Variants in BICRAL observed in about 807,000 individuals in gnomAD.
BICRAL encodes BRD4-interacting chromatin-remodeling complex-associated protein-like.
BICRAL carries 8 observed loss-of-function variants against 91.8 expected under a neutral mutation model. The observed-to-expected ratio is 0.09, with a 90% CI of 0.05 to 0.16. The LOEUF is 0.16. Ranked by LOEUF, BICRAL falls within the 10% of genes least tolerant of loss-of-function variation. The probability of loss-of-function intolerance (pLI) is 1.00; values close to 1 mark genes in which losing one functional copy is unlikely to be tolerated. For synonymous variants in BICRAL, 445 were observed against 491.1 expected (o/e 0.91, Z 1.24); for missense variants, 1,038 against 1,310.9 (o/e 0.79, Z 3.21).
intron 1 of BICRAL, among the ~76,000 whole-genome samples, chr6:42,757,697 T>TA (rs773781003): frequency 2.0e-4 from 30 of 152,234 alleles, no homozygotes; most frequent in Non-Finnish European, 3.7e-4. Context: ...TGTTAACTCT[T>TA]ATGTGGCATT....
intron 1 of BICRAL, among the ~76,000 whole-genome samples, chr6:42,791,215 C>T (rs1763263803): frequency 6.6e-6 from 1 of 152,100 alleles, no homozygotes; most frequent in Non-Finnish European, 1.5e-5. Flanking sequence ...CCTCTCTGTA[C>T]CAGATCCTCT....
chr6:42,838,920 C>T (rs1291367644), intron 6 of BICRAL, among the ~76,000 whole-genome samples: 1 of 151,942 alleles, frequency 6.6e-6, no homozygotes, highest in Non-Finnish European at 1.5e-5. Context: ...GAGATTGCGC[C>T]ACTGCACTCC....
In BICRAL at chr6:42,814,519, ATTTT is replaced by A. The variant is rs70990145; in HGVS notation, c.-6+4136_-6+4139del. ...TGTGTGTATATATATATATATATATATTTTTTTTTTTTTTTTTTTTTAGATGAAG... is the reference window on the plus strand; with the variant it reads ...TGTGTGTATATATATATATATATATATTTTTTTTTTTTTTTTTAGATGAAG... On this transcript the variant is annotated intron_variant, in intron 2 of 12. Coordinates refer to ENST00000314073, the MANE Select transcript of BICRAL (RefSeq NM_001393499.1). Among the ~76,000 whole-genome samples the A allele has an allele frequency of 5.2e-3, 415 of 80,182 alleles. 2 individuals carry two copies. The highest frequency in any genetic ancestry group is 0.025 in the East Asian group (71 of 2,814). The allele number at this position is 80,182 out of a possible 152,430, so 52.6% of individuals were successfully genotyped here.
At chr6:42,771,912 A>G (rs1392760069) in intron 1 of BICRAL, among the ~76,000 whole-genome samples, 2 of 152,182 alleles carry the variant, frequency 1.3e-5, no homozygotes, top group Admixed American at 6.5e-5. Flanking sequence ...GCATTTCTGC[A>G]TTTGTCAGCA....
intron 10 of BICRAL, among the ~76,000 whole-genome samples, chr6:42,858,600 C>T (rs1022273716): frequency 2.0e-5 from 3 of 151,174 alleles, no homozygotes; most frequent in Non-Finnish European, 2.9e-5. Context: ...GGTGGGTCAC[C>T]TGAGGTCAGG....
intron 6 of BICRAL, among the ~76,000 whole-genome samples, chr6:42,843,964 ATTT>A (rs564638855): frequency 2.3e-5 from 3 of 132,210 alleles, no homozygotes; most frequent in Non-Finnish European, 3.3e-5. Context: ...ATGCCGGCTA[ATTT>A]TTTTTTTTTT....
At chr6:42,801,486 C>T in intron 1 of BICRAL, among the ~76,000 whole-genome samples, 1 of 152,048 alleles carries the variant, frequency 6.6e-6, no homozygotes, top group Non-Finnish European at 1.5e-5. Flanking sequence ...AGTGTCCCAT[C>T]TTTTTTACTA....
intron 1 of BICRAL, among the ~76,000 whole-genome samples, chr6:42,758,664 A>G (rs1247386147): frequency 6.6e-6 from 1 of 151,206 alleles, no homozygotes; most frequent in Non-Finnish European, 1.5e-5. Context: ...AATCAGGACT[A>G]TCTTTTGGGA....
chr6:42,766,523 G>A (rs1762635321), intron 1 of BICRAL, among the ~76,000 whole-genome samples: 1 of 152,146 alleles, frequency 6.6e-6, no homozygotes, highest in South Asian at 2.1e-4. Context: ...CCTGTAATGT[G>A]CTTGTGAGTC....
At chr6:42,835,695 C>T (rs1764618162) in intron 6 of BICRAL, among the ~76,000 whole-genome samples, 1 of 152,110 alleles carries the variant, frequency 6.6e-6, no homozygotes, top group Non-Finnish European at 1.5e-5. Flanking sequence ...TACTTCCCAG[C>T]AAGCGAAGGG....
chr6:42,828,335 A>G (rs1426680374), intron 5 of BICRAL, among the ~76,000 whole-genome samples, 158 bp from the exon 6 acceptor site: 4 of 150,892 alleles, frequency 2.7e-5, no homozygotes, highest in Non-Finnish European at 5.9e-5. Context: ...CGGGAGGCGG[A>G]GCTTGCAGTG....
intron 1 of BICRAL, among the ~76,000 whole-genome samples, chr6:42,799,136 A>T (rs1302925815): frequency 6.6e-6 from 1 of 152,098 alleles, no homozygotes; most frequent in Non-Finnish European, 1.5e-5. Context: ...TGAACTCCTG[A>T]GCTCAAATGA....
chr6:42,825,747 A>G (rs1409057565), intron 5 of BICRAL, among the ~76,000 whole-genome samples: 2 of 151,102 alleles, frequency 1.3e-5, no homozygotes, highest in Admixed American at 6.6e-5. Flanking sequence ...CAAGACATGT[A>G]TTAACCTCAT....
At chr6:42,754,954 T>G (rs564699834) in intron 1 of BICRAL, among the ~76,000 whole-genome samples, 2 of 152,332 alleles carry the variant, frequency 1.3e-5, no homozygotes, top group South Asian at 4.1e-4. Flanking sequence ...AATTTTAAAA[T>G]GCCGCATCAG....
At position 42,810,112 on chromosome 6, in the gene BICRAL, T is replaced by C. The variant is rs187305608; in HGVS notation, c.-101-194T>C. ...AAATTTTTAAATTTCTAAGTCTTTC[T>C]TGTAATAATTTGCCTTACTCTTTTC... On this transcript the variant is annotated intron_variant, in intron 1 of 12. Coordinates refer to ENST00000314073, the MANE Select transcript of BICRAL (RefSeq NM_001393499.1). Among the ~76,000 whole-genome samples, 41 of 152,270 alleles carry C rather than the reference T, an allele frequency of 2.7e-4. No individual in the cohort carries two copies. The East Asian group carries it at 6.9e-3, about 26-fold the overall frequency.
intron 5 of BICRAL, among the ~76,000 whole-genome samples, chr6:42,826,831 G>T (rs979827659): frequency 2.0e-5 from 3 of 151,822 alleles, no homozygotes; most frequent in African/African-American, 4.8e-5. Flanking sequence ...TTGTTGCCCA[G>T]GCTGGAGTGC....
chr6:42,837,674 C>G (rs547410672), intron 6 of BICRAL, among the ~76,000 whole-genome samples: 8 of 151,828 alleles, frequency 5.3e-5, no homozygotes, highest in African/African-American at 1.9e-4. Flanking sequence ...ATTGCTTGAA[C>G]CTGGGAGGTG....
chr6:42,801,960 A>C (rs1763587052), intron 1 of BICRAL, among the ~76,000 whole-genome samples: 2 of 152,048 alleles, frequency 1.3e-5, no homozygotes, highest in African/African-American at 4.8e-5. Context: ...GACTTAGATA[A>C]ATCTCCATTT....
intron 5 of BICRAL, 77 bp from the exon 6 acceptor site, chr6:42,828,416 A>G: frequency 7.7e-7 from 1 of 1,291,960 alleles, no homozygotes; most frequent in South Asian, 1.5e-5. Context: ...AAAAAAAAAA[A>G]GTAAAAGTAA....
Sources: gnomAD v4.1 joint callset for allele counts (sites outside exome capture counted in the v4.1 genomes callset) on GRCh38, gnomAD v4.1.1 for gene constraint, MANE v1.5 for transcripts, NCBI Gene and HGNC (gene_info 2026-07-23, HGNC 2026-07-21) for gene names.